EIF3H: variants seen among roughly 807,000 people sequenced by gnomAD.
The protein encoded by EIF3H is eukaryotic translation initiation factor 3 subunit H, also known as eIF-3-gamma.
EIF3H carries 26 observed loss-of-function variants against 44.2 expected under a neutral mutation model. The ratio of observed to expected loss-of-function variants is 0.59; its 90% confidence interval spans 0.43 to 0.82. The LOEUF is 0.82. EIF3H is among the 40% of genes least tolerant of loss of function. EIF3H has a pLI of 0.00. For missense variants in EIF3H, 359 were observed against 432.8 expected, an observed-to-expected ratio of 0.83 and a Z score of 1.51; for synonymous variants, 166 against 151.9, an observed-to-expected ratio of 1.09 and a Z score of -0.68.
At chr8:116,725,705 T>C (rs777035754) in intron 2 of EIF3H, among the ~76,000 whole-genome samples, 1 of 152,210 alleles carries the variant, frequency 6.6e-6, no homozygotes, top group Non-Finnish European at 1.5e-5. Flanking sequence ...ATAAGGATGA[T>C]CTTTGTCCCT....
chr8:116,735,956 G>A lies in EIF3H; in HGVS notation c.133-9784C>T, dbSNP rs925054524. ...TTTTCCAATGTGGCATCATATCAGC[G>A]CTGAAAAAGCTTCACATTTTGGAAC... On this transcript the variant is annotated intron_variant, in intron 1 of 7. Coordinates refer to ENST00000521861, the MANE Select transcript of EIF3H (RefSeq NM_003756.3). Among the ~76,000 whole-genome samples, 10 of 152,076 alleles carry A rather than the reference G, an allele frequency of 6.6e-5. No homozygotes were observed. The East Asian group carries it at 1.3e-3, about 20-fold the overall frequency.
chr8:116,675,238 CAT>C (rs1813830364), intron 2 of EIF3H, among the ~76,000 whole-genome samples: 1 of 152,196 alleles, frequency 6.6e-6, no homozygotes, highest in South Asian at 2.1e-4. Flanking sequence ...CTATTTCAGA[CAT>C]ATGTCACTGA....
intron 2 of EIF3H, chr8:116,689,036 T>G (rs1166487607): frequency 2.4e-6 from 1 of 422,858 alleles, no homozygotes; most frequent in Non-Finnish European, 4.7e-6. Flanking sequence ...AATAGGCAAA[T>G]GTTCAGATGA....
chr8:116,748,759 G>A (rs959364908), intron 1 of EIF3H, among the ~76,000 whole-genome samples: 2 of 152,142 alleles, frequency 1.3e-5, no homozygotes, highest in African/African-American at 4.8e-5. Flanking sequence ...ACCAAAATTC[G>A]CAGATGCTCA....
chr8:116,670,977 T>C (rs749669604), intron 2 of EIF3H, among the ~76,000 whole-genome samples: 4 of 152,158 alleles, frequency 2.6e-5, no homozygotes, highest in African/African-American at 7.2e-5. Flanking sequence ...GTAAAAAATA[T>C]TGGACGGCAA....
intron 2 of EIF3H, among the ~76,000 whole-genome samples, chr8:116,678,954 C>T (rs1231513968): frequency 1.4e-4 from 13 of 91,314 alleles, no homozygotes; most frequent in African/African-American, 4.3e-4. Flanking sequence ...GTGAGGAGCC[C>T]CTCTGCCCGG....
Position 116,644,312 on chromosome 8 carries a change from C to T in EIF3H, c.*694G>A, listed in dbSNP as rs1330197320. The T allele has an allele frequency of 6.6e-6, 1 of 152,378 alleles. No individual in the cohort carries two copies. The highest frequency in any genetic ancestry group is 1.5e-5 in the Non-Finnish European group (1 of 68,160). The allele number at this position is 152,378 out of a possible 1,614,324, so 9.4% of individuals were successfully genotyped here. A position where few individuals can be genotyped will look rare whatever the true frequency, so the allele number is the denominator to read the frequency against. On this transcript the variant is annotated 3_prime_UTR_variant, in exon 8 of 8. Transcript: ENST00000521861. The stretch of plus-strand genomic sequence containing the variant: ...GGCTGAGGTGGGAGAATCGCTTGAA[C>T]TCAGAAGGTGGAGGTTGCAGCGAGC...
intron 2 of EIF3H, among the ~76,000 whole-genome samples, chr8:116,678,142 G>A (rs1378483912): frequency 2.2e-3 from 324 of 149,390 alleles, no homozygotes; most frequent in African/African-American, 7.6e-3. Flanking sequence ...GGCGCGCGCC[G>A]CCACGCCTGA....
At chr8:116,761,989 AC>A (rs1264134220) in intron 1 of EIF3H, among the ~76,000 whole-genome samples, 1 of 152,204 alleles carries the variant, frequency 6.6e-6, no homozygotes, top group African/African-American at 2.4e-5. Flanking sequence ...AATTGTTTAT[AC>A]TTTCAAGAGA....
At chr8:116,698,228 T>C (rs1360933341) in intron 2 of EIF3H, among the ~76,000 whole-genome samples, 2 of 152,148 alleles carry the variant, frequency 1.3e-5, no homozygotes, top group Non-Finnish European at 2.9e-5. Flanking sequence ...CAATATGATG[T>C]AAAATAAATT....
At chr8:116,765,518 G>T (rs986089130) in exon 1 of EIF3H, 1 of 152,112 alleles carries the variant, frequency 6.6e-6, no homozygotes, top group Admixed American at 6.5e-5. Context: ...ATTTTACCTT[G>T]AAGTGGATAC....
upstream of EIF3H, among the ~76,000 whole-genome samples, chr8:116,758,879 TGAGA>T (rs1296751888): frequency 8.5e-5 from 13 of 152,222 alleles, no homozygotes; most frequent in Non-Finnish European, 1.5e-5. Context: ...ACATCAGTGC[TGAGA>T]AAGAAGTTTA....
chr8:116,752,539 A>G (rs181596122), intron 1 of EIF3H, among the ~76,000 whole-genome samples: 4 of 151,898 alleles, frequency 2.6e-5, no homozygotes, highest in African/African-American at 4.8e-5. Context: ...AGAAAATTTA[A>G]TAACTTCCCC....
chr8:116,677,913 C>A (rs1353739084), intron 2 of EIF3H, among the ~76,000 whole-genome samples: 1 of 152,160 alleles, frequency 6.6e-6, no homozygotes, highest in Non-Finnish European at 1.5e-5. Flanking sequence ...ATAAAAAAAT[C>A]AGAAATTACC....
At chr8:116,744,718 G>A (rs10088177) in intron 1 of EIF3H, among the ~76,000 whole-genome samples, 129,836 of 152,290 alleles carry the variant, frequency 0.85, 55,517 homozygotes, top group Middle Eastern at 0.89. Flanking sequence ...TCCAAGTACC[G>A]TAAATTAAAT....
rs188927530 is a variant in EIF3H at position 116,749,657 on chromosome 8, C to T, written c.132+6009G>A. On this transcript the variant is annotated intron_variant, in intron 1 of 7. Transcript: ENST00000521861. ...TATTTTTGTTTTTTTTCTTTTAACT[C>T]ATCTGTATTTGTTACAACTTTAAGC... Among the ~76,000 whole-genome samples the T allele has an allele frequency of 3.4e-3, 515 of 152,122 alleles. 7 individuals carry two copies. Among genetic ancestry groups the T allele is most frequent in the Middle Eastern group, 0.024 (7 of 292 alleles).
At chr8:116,718,055 A>C (rs1274090880) in intron 2 of EIF3H, among the ~76,000 whole-genome samples, 1 of 152,114 alleles carries the variant, frequency 6.6e-6, no homozygotes, top group Non-Finnish European at 1.5e-5. Context: ...AGAAAAAAAC[A>C]ATTGCATCAA....
intron 2 of EIF3H, chr8:116,697,271 G>C (rs1457153009): frequency 2.3e-6 from 1 of 444,012 alleles, no homozygotes; most frequent in Non-Finnish European, 4.5e-6. Flanking sequence ...AAAAAGAATA[G>C]ATTTTTAGGG....
intron 1 of EIF3H, among the ~76,000 whole-genome samples, chr8:116,751,591 G>A (rs923150530): frequency 2.0e-5 from 3 of 152,222 alleles, no homozygotes; most frequent in Admixed American, 1.3e-4. Context: ...AGATGCCTAT[G>A]AGATATCCAA....
Sources: allele counts gnomAD v4.1 joint callset (sites outside exome capture counted in the v4.1 genomes callset), GRCh38; gene constraint gnomAD v4.1.1; transcripts MANE v1.5; gene names NCBI Gene and HGNC (gene_info 2026-07-23, HGNC 2026-07-21).